LRCH2: variants seen among roughly 807,000 people sequenced by gnomAD.
The protein encoded by LRCH2 is leucine-rich repeat and calponin homology domain-containing protein 2.
A neutral mutation model predicts 68.9 loss-of-function variants in LRCH2; 38 were observed. The ratio of observed to expected loss-of-function variants is 0.55; its 90% confidence interval spans 0.43 to 0.72. The LOEUF (loss-of-function observed/expected upper bound fraction) is 0.72, where lower values mean the gene tolerates loss of function less well. LRCH2 is among the 30% of genes least tolerant of loss of function. The probability of loss-of-function intolerance (pLI) is 0.00; values close to 1 mark genes in which losing one functional copy is unlikely to be tolerated. For missense variants in LRCH2, 528 were observed against 572.9 expected (o/e 0.92, Z 0.80); for synonymous variants, 191 against 208.1 (o/e 0.92, Z 0.71).
chrX:115,189,841 G>T lies in LRCH2; in HGVS notation c.350-1471C>A, dbSNP rs991973068. ...CAGGCCTGATGACGGCCGCGGCTACGCGGGGTATTTCGACCTGTGGCCCTA... is the reference window on the plus strand; with the variant it reads ...CAGGCCTGATGACGGCCGCGGCTACTCGGGGTATTTCGACCTGTGGCCCTA... On this transcript the variant is annotated intron_variant, in intron 1 of 20. Coordinates refer to ENST00000317135, the MANE Select transcript of LRCH2 (RefSeq NM_020871.4). The T allele has an allele frequency of 9.4e-6, 11 of 1,166,293 alleles. No individual in the cohort carries two copies. The highest frequency in any genetic ancestry group is 2.3e-4 in the Middle Eastern group (1 of 4,313).
At chrX:115,150,357 T>C (rs782796281) in intron 12 of LRCH2, among the ~76,000 whole-genome samples, 2 of 111,096 alleles carry the variant, frequency 1.8e-5, no homozygotes, top group South Asian at 7.5e-4. Flanking sequence ...TCTAAAGATA[T>C]ATTGTCAAAG....
intron 14 of LRCH2, among the ~76,000 whole-genome samples, chrX:115,148,006 G>T (rs1232927712): frequency 9.0e-6 from 1 of 111,312 alleles, no homozygotes; most frequent in Non-Finnish European, 1.9e-5. Context: ...GGCATTTGAG[G>T]CTGCTGTGTG....
intron 12 of LRCH2, among the ~76,000 whole-genome samples, chrX:115,152,935 T>C (rs1327928154): frequency 9.1e-6 from 1 of 110,040 alleles, no homozygotes; most frequent in African/African-American, 3.3e-5. Context: ...ATCCAGAGGA[T>C]GGTGGAGAAA....
intron 3 of LRCH2, among the ~76,000 whole-genome samples, chrX:115,183,510 C>T (rs1393225104): frequency 9.9e-5 from 11 of 110,797 alleles, no homozygotes; most frequent in African/African-American, 2.6e-4. Context: ...GCCTGGGCAA[C>T]ACAGTGAAAC....
chrX:115,219,382 T>C (rs1324137113), intron 1 of LRCH2, among the ~76,000 whole-genome samples: 1 of 104,625 alleles, frequency 9.6e-6, no homozygotes, highest in African/African-American at 3.5e-5. Context: ...TACAATAAAT[T>C]GACCAATTAA....
At chrX:115,153,953 T>C (rs2072453341) in intron 12 of LRCH2, among the ~76,000 whole-genome samples, 1 of 111,758 alleles carries the variant, frequency 8.9e-6, no homozygotes, top group Non-Finnish European at 1.9e-5. Flanking sequence ...AATTAGAACG[T>C]AGATTGTCAG....
At position 115,208,214 on chromosome X, in the gene LRCH2, TAA is replaced by T. The variant is rs1346385084; in HGVS notation, c.350-19846_350-19845del. 4.4e-5 allele frequency among the ~76,000 whole-genome samples: 5 copies of T among 112,398 alleles called. No individual in the cohort carries two copies. In the South Asian group the frequency reaches 1.1e-3, roughly 25 times the overall value. ...CATAATGATAGTTTATTGGAATTAA[TAA>T]GAGAATGATTGTAAATATTTTTTAA... On this transcript the variant is annotated intron_variant, in intron 1 of 20. Transcript: ENST00000317135.
intron 1 of LRCH2, among the ~76,000 whole-genome samples, chrX:115,223,469 C>A (rs2073098542): frequency 9.2e-6 from 1 of 108,458 alleles, no homozygotes; most frequent in Non-Finnish European, 1.9e-5. Flanking sequence ...AAACCTCTTA[C>A]AACTCAGTAA....
At chrX:115,190,301 G>A (rs782466901) in intron 1 of LRCH2, 44 of 1,149,980 alleles carry the variant, frequency 3.8e-5, no homozygotes, top group South Asian at 1.8e-4. Flanking sequence ...TACAGGGGTC[G>A]CGACCATGAG....
chrX:115,150,073 A>G lies in LRCH2; in HGVS notation c.1530-3T>C. The G allele has an allele frequency of 8.7e-7, 1 of 1,144,763 alleles. No individual in the cohort carries two copies. The highest frequency in any genetic ancestry group is 2.6e-5 in the Admixed American group (1 of 39,103). The allele number at this position is 1,144,763 out of a possible 1,213,427, so 94.3% of individuals were successfully genotyped here. ...AATTAACTTCATCTGCTGAGACACT[A>G]AAAAATTGAAGATGCCTTAATACGT... On this transcript the variant is annotated splice_region_variant and splice_polypyrimidine_tract_variant and intron_variant, in intron 12 of 20. Coordinates refer to ENST00000317135, the MANE Select transcript of LRCH2 (RefSeq NM_020871.4).
At chrX:115,163,065 G>C (rs2072531841) in intron 11 of LRCH2, among the ~76,000 whole-genome samples, 2 of 111,398 alleles carry the variant, frequency 1.8e-5, no homozygotes, top group Admixed American at 1.9e-4. Flanking sequence ...TGTACTTGAA[G>C]AAAGCCTAGC....
intron 3 of LRCH2, among the ~76,000 whole-genome samples, chrX:115,181,247 A>G (rs2147406522): frequency 8.9e-6 from 1 of 111,884 alleles, no homozygotes; most frequent in South Asian, 3.7e-4. Flanking sequence ...TTTAGCTTTT[A>G]TTCTGAGAGA....
intron 6 of LRCH2, among the ~76,000 whole-genome samples, chrX:115,167,649 C>CA (rs782615628): frequency 1.1e-3 from 122 of 107,939 alleles, no homozygotes; most frequent in Non-Finnish European, 2.0e-3. Context: ...TATCTTTTTA[C>CA]AAAAAAAAAT....
chrX:115,182,831 CAA>C (rs1164477909), intron 3 of LRCH2, among the ~76,000 whole-genome samples: 59 of 26,254 alleles, frequency 2.2e-3, no homozygotes, highest in African/African-American at 6.8e-3. Context: ...AACTTCGTCT[CAA>C]AAAAAAAAAA....
intron 11 of LRCH2, among the ~76,000 whole-genome samples, chrX:115,156,927 T>C (rs913843951): frequency 1.8e-5 from 2 of 111,580 alleles, no homozygotes; most frequent in Admixed American, 1.9e-4. Context: ...TATTGCCCTT[T>C]GCATATCTAA....
At chrX:115,225,303 CA>C (rs782653348) in intron 1 of LRCH2, among the ~76,000 whole-genome samples, 1 of 111,154 alleles carries the variant, frequency 9.0e-6, no homozygotes, top group Non-Finnish European at 1.9e-5. Flanking sequence ...GAGGGCAGGA[CA>C]AAGTCAGTGC....
Position 115,191,663 on chromosome X carries a change from A to G in LRCH2, c.350-3293T>C, listed in dbSNP as rs782644462. 1.0e-5 allele frequency: 12 copies of G among 1,153,142 alleles called. No homozygotes were observed. The South Asian group carries it at 1.5e-4, about 15-fold the overall frequency. ...GACAGTTCCAGCCAGAGCGACCACT[A>G]TGGAGGAGGAGGTCGCTCACTCGAT... On this transcript the variant is annotated intron_variant, in intron 1 of 20. Coordinates refer to ENST00000317135, the MANE Select transcript of LRCH2 (RefSeq NM_020871.4).
intron 1 of LRCH2, among the ~76,000 whole-genome samples, chrX:115,209,438 C>A (rs1002517532): frequency 8.9e-6 from 1 of 112,264 alleles, no homozygotes; most frequent in African/African-American, 3.2e-5. Flanking sequence ...AAGCTCTATT[C>A]TCTTGTCTGC....
chrX:115,192,365 A>ACCGCT, intron 1 of LRCH2: 1 of 1,160,046 alleles, frequency 8.6e-7, no homozygotes, highest in Non-Finnish European at 1.2e-6. Flanking sequence ...GGCCTGAGCG[A>ACCGCT]CCGCTACGGA....
Sources: allele counts gnomAD v4.1 joint callset (sites outside exome capture counted in the v4.1 genomes callset), GRCh38; gene constraint gnomAD v4.1.1; transcripts MANE v1.5; gene names NCBI Gene and HGNC (gene_info 2026-07-23, HGNC 2026-07-21).